Variants in INPP5A observed in about 807,000 individuals in gnomAD.
The protein encoded by INPP5A is inositol polyphosphate-5-phosphatase A.
A neutral mutation model predicts 65.2 loss-of-function variants in INPP5A; 14 were observed. That is an observed-to-expected ratio of 0.21 (90% CI 0.14 to 0.34). The LOEUF (loss-of-function observed/expected upper bound fraction) is 0.34. Among genes scored for constraint, INPP5A ranks in the 10% least tolerant of loss-of-function variants. The pLI, the probability that INPP5A is intolerant of heterozygous loss-of-function variation, is 1.00. For missense variants in INPP5A, 431 were observed against 545.6 expected (o/e 0.79, Z 2.09); for synonymous variants, 207 against 208.3 (o/e 0.99, Z 0.05).
chr10:132,573,188 C>T (rs1388705221), intron 1 of INPP5A, among the ~76,000 whole-genome samples: 4 of 108,894 alleles, frequency 3.7e-5, no homozygotes, highest in Admixed American at 2.1e-4. Context: ...TTGGGGTGTA[C>T]GTGCCGTGTG....
chr10:132,712,653 A>G, intron 8 of INPP5A, among the ~76,000 whole-genome samples: 2 of 117,300 alleles, frequency 1.7e-5, no homozygotes, highest in African/African-American at 3.3e-5. Context: ...GGTGCATGTG[A>G]GTGGGTATAT....
intron 4 of INPP5A, among the ~76,000 whole-genome samples, chr10:132,658,362 C>G (rs1043394718): frequency 6.6e-6 from 1 of 152,188 alleles, no homozygotes; most frequent in Admixed American, 6.5e-5. Flanking sequence ...CTAATCCACT[C>G]CCTTATTGAT....
chr10:132,584,338 A>C (rs2071522157), intron 1 of INPP5A, among the ~76,000 whole-genome samples: 1 of 152,222 alleles, frequency 6.6e-6, no homozygotes, highest in Non-Finnish European at 1.5e-5. Context: ...TAGGTGTTTA[A>C]TGGAATTTAC....
At chr10:132,660,033 C>T (rs1001368577) in intron 4 of INPP5A, among the ~76,000 whole-genome samples, 2 of 152,182 alleles carry the variant, frequency 1.3e-5, no homozygotes, top group Non-Finnish European at 2.9e-5. Flanking sequence ...GGCACGTTCC[C>T]GCGCTCCGCC....
intron 8 of INPP5A, among the ~76,000 whole-genome samples, chr10:132,715,523 T>A (rs1460144860): frequency 6.6e-6 from 1 of 152,116 alleles, no homozygotes; most frequent in Non-Finnish European, 1.5e-5. Flanking sequence ...CAGGGAGAGG[T>A]GACGTGATGC....
chr10:132,688,892 G>C (rs184855161), intron 4 of INPP5A, among the ~76,000 whole-genome samples: 58 of 151,994 alleles, frequency 3.8e-4, no homozygotes, highest in Middle Eastern at 3.4e-3. Flanking sequence ...GAGTGCAAGT[G>C]GGAGAGCAAG....
intron 1 of INPP5A, among the ~76,000 whole-genome samples, chr10:132,561,413 A>T (rs2071203845): frequency 6.6e-6 from 1 of 151,786 alleles, no homozygotes; most frequent in Non-Finnish European, 1.5e-5. Context: ...ATTCTTTTGC[A>T]TATCCATATC....
intron 12 of INPP5A, among the ~76,000 whole-genome samples, chr10:132,770,329 C>T (rs1444923316): frequency 6.6e-6 from 1 of 152,260 alleles, no homozygotes; most frequent in Admixed American, 6.5e-5. Context: ...GTTGCAGCTT[C>T]CGGAATGTGG....
chr10:132,684,694 C>T (rs1281467968), intron 4 of INPP5A, among the ~76,000 whole-genome samples: 1 of 152,226 alleles, frequency 6.6e-6, no homozygotes, highest in African/African-American at 2.4e-5. Context: ...TGCCTCAGCT[C>T]GGGCAGGTGC....
intron 9 of INPP5A, among the ~76,000 whole-genome samples, chr10:132,745,988 C>T (rs1846365272): frequency 9.5e-6 from 1 of 105,118 alleles, no homozygotes; most frequent in African/African-American, 2.7e-5. Flanking sequence ...GCCTCGCCTA[C>T]CCTGCCTACC....
intron 1 of INPP5A, among the ~76,000 whole-genome samples, chr10:132,590,962 T>C (rs2071612265): frequency 6.6e-6 from 1 of 152,232 alleles, no homozygotes; most frequent in Admixed American, 6.5e-5. Context: ...TGGGCGCTTC[T>C]TGTGCCATCA....
intron 8 of INPP5A, among the ~76,000 whole-genome samples, chr10:132,711,353 C>A (rs1239281594): frequency 6.6e-6 from 1 of 152,190 alleles, no homozygotes; most frequent in Non-Finnish European, 1.5e-5. Context: ...AAGCTCAGGC[C>A]CCACAGCCAG....
In INPP5A at chr10:132,550,634, G is replaced by A. The variant is rs368938932; in HGVS notation, c.75+12463G>A. 6.6e-6 allele frequency among the ~76,000 whole-genome samples: 1 copy of A among 152,234 alleles called. No homozygotes were observed. The highest frequency in any genetic ancestry group is 1.5e-5 in the Non-Finnish European group (1 of 68,042). The stretch of plus-strand genomic sequence containing the variant: ...CCAAGCCGGCATTCTGGCTGGGCTC[G>A]CTGGCCACAGGACGTCCACTGTAGG... On this transcript the variant is annotated intron_variant, in intron 1 of 15. Transcript: ENST00000368594. The surrounding 1 kb of genome is among the most constrained non-coding windows in gnomAD (Gnocchi z 4.2).
At chr10:132,677,346 G>A (rs1193168916) in intron 4 of INPP5A, among the ~76,000 whole-genome samples, 1 of 152,250 alleles carries the variant, frequency 6.6e-6, no homozygotes, top group Non-Finnish European at 1.5e-5. Flanking sequence ...TTGGGCTCTG[G>A]CCATCTGGTC....
chr10:132,716,444 C>T (rs80005628), intron 8 of INPP5A, among the ~76,000 whole-genome samples: 5,505 of 152,334 alleles, frequency 0.036, 137 homozygotes, highest in Non-Finnish European at 0.052. Flanking sequence ...GTCCAGCATC[C>T]TGTGAACGGA....
chr10:132,597,033 A>G (rs1053270486), intron 1 of INPP5A, among the ~76,000 whole-genome samples: 1 of 129,652 alleles, frequency 7.7e-6, no homozygotes, highest in Admixed American at 7.5e-5. Context: ...GCATGTGTGC[A>G]TGTGTATGCA....
At chr10:132,768,415 G>A (rs984665036) in intron 12 of INPP5A, among the ~76,000 whole-genome samples, 1 of 152,102 alleles carries the variant, frequency 6.6e-6, no homozygotes, top group East Asian at 1.9e-4. Flanking sequence ...CATGGACCCC[G>A]ACCCTCAGTG....
intron 4 of INPP5A, among the ~76,000 whole-genome samples, chr10:132,681,894 G>T (rs1365100160): frequency 6.6e-6 from 1 of 152,228 alleles, no homozygotes; most frequent in African/African-American, 2.4e-5. Flanking sequence ...CTACAACATG[G>T]TGGAGGAACT....
In INPP5A at chr10:132,547,586, G is replaced by C. The variant is rs1372549421; in HGVS notation, c.75+9415G>C. On this transcript the variant is annotated intron_variant, in intron 1 of 15. Coordinates refer to ENST00000368594, the MANE Select transcript of INPP5A (RefSeq NM_005539.5). This position sits in a 1 kb window ranked among gnomAD's most constrained non-coding sequence, Gnocchi z 5.5. ...CACCTGCACCCTCGCCGTCGCCCTG[G>C]GCTGACCTCCCATCTCCTCCTTCTC... is the stretch of plus-strand genomic sequence containing the variant. 6.6e-6 allele frequency among the ~76,000 whole-genome samples: 1 copy of C among 152,150 alleles called. No individual in the cohort carries two copies. Among genetic ancestry groups the C allele is most frequent in the East Asian group, 1.9e-4 (1 of 5,172 alleles).
Sources: allele counts gnomAD v4.1 joint callset (sites outside exome capture counted in the v4.1 genomes callset), GRCh38; gene constraint gnomAD v4.1.1; non-coding constraint Gnocchi (gnomAD v3.1); transcripts MANE v1.5; gene names NCBI Gene and HGNC (gene_info 2026-07-23, HGNC 2026-07-21).